Variants in ERC2 observed in about 807,000 individuals in gnomAD.
ERC2 encodes the protein ELKS/RAB6-interacting/CAST family member 2, also known as ERC protein 2.
Under a neutral mutation model 114.8 loss-of-function variants are expected in ERC2, and 42 were observed. The ratio of observed to expected loss-of-function variants is 0.37; its 90% CI spans 0.29 to 0.47. The LOEUF is 0.47. ERC2 is among the 20% of genes least tolerant of loss of function. ERC2 has a pLI of 0.99. For synonymous variants in ERC2, 454 were observed against 425.5 expected (o/e 1.07, Z -0.82); for missense variants, 939 against 1,150.7 (o/e 0.82, Z 2.66).
At chr3:55,639,314 A>G (rs185554975) in intron 17 of ERC2, among the ~76,000 whole-genome samples, 13 of 152,322 alleles carry the variant, frequency 8.5e-5, no homozygotes, top group Admixed American at 7.8e-4. Flanking sequence ...AGAGAGAACT[A>G]TCTCAAGGGT....
intron 7 of ERC2, among the ~76,000 whole-genome samples, chr3:56,073,344 C>T (rs1296622936): frequency 6.6e-6 from 1 of 152,156 alleles, no homozygotes; most frequent in Non-Finnish European, 1.5e-5. Context: ...CAGAGGTGTC[C>T]TCTGCATATT....
chr3:55,760,028 AC>A (rs781384592), intron 14 of ERC2, among the ~76,000 whole-genome samples: 1 of 152,030 alleles, frequency 6.6e-6, no homozygotes, highest in Non-Finnish European at 1.5e-5. Flanking sequence ...CGTGACATAA[AC>A]CCCCTACCAA....
chr3:55,894,723 G>A (rs566501224), intron 13 of ERC2, among the ~76,000 whole-genome samples: 73 of 152,322 alleles, frequency 4.8e-4, no homozygotes, highest in African/African-American at 1.7e-3. Flanking sequence ...GTACGTGGCA[G>A]CTGAACAATG....
chr3:56,404,962 G>A (rs1437958286), intron 2 of ERC2, among the ~76,000 whole-genome samples: 1 of 152,158 alleles, frequency 6.6e-6, no homozygotes, highest in Admixed American at 6.5e-5. Context: ...TTGATGGATG[G>A]ATAGGACTTC....
At chr3:55,714,354 A>G (rs1390504366) in intron 15 of ERC2, among the ~76,000 whole-genome samples, 2 of 152,142 alleles carry the variant, frequency 1.3e-5, no homozygotes, top group African/African-American at 2.4e-5. Flanking sequence ...ACAGGGATGA[A>G]TACAAAAGGG....
At chr3:55,850,638 T>C (rs1307055029) in intron 14 of ERC2, among the ~76,000 whole-genome samples, 1 of 152,094 alleles carries the variant, frequency 6.6e-6, no homozygotes, top group Non-Finnish European at 1.5e-5. Flanking sequence ...ACACTGTTAA[T>C]CTAAAATCCC....
chr3:55,680,259 C>A (rs2061993889), intron 17 of ERC2, among the ~76,000 whole-genome samples: 2 of 152,152 alleles, frequency 1.3e-5, no homozygotes, highest in African/African-American at 2.4e-5. Context: ...TAATTCCTTT[C>A]TAGTGGTTTA....
At chr3:56,345,484 G>A (rs1472934308) in intron 2 of ERC2, among the ~76,000 whole-genome samples, 1 of 152,190 alleles carries the variant, frequency 6.6e-6, no homozygotes, top group Non-Finnish European at 1.5e-5. Context: ...GAGGAAAATG[G>A]TTAGTTTATG....
intron 14 of ERC2, among the ~76,000 whole-genome samples, chr3:55,828,757 C>T (rs1277663871): frequency 6.6e-6 from 1 of 151,858 alleles, no homozygotes; most frequent in Non-Finnish European, 1.5e-5. Flanking sequence ...GTGGTAGGAA[C>T]CTAACCAGGT....
intron 17 of ERC2, among the ~76,000 whole-genome samples, chr3:55,634,950 C>T (rs1469778915): frequency 1.3e-5 from 2 of 151,124 alleles, no homozygotes; most frequent in Non-Finnish European, 2.9e-5. Context: ...GGCACGATCT[C>T]GGCTTACTGC....
chr3:56,018,274 A>G (rs765061289), intron 8 of ERC2, among the ~76,000 whole-genome samples: 2 of 152,204 alleles, frequency 1.3e-5, no homozygotes, highest in Non-Finnish European at 2.9e-5. Flanking sequence ...AGTAGAAAGT[A>G]TCAGACCTAG....
At chr3:56,054,553 GT>G (rs1299323498) in intron 7 of ERC2, among the ~76,000 whole-genome samples, 1 of 152,124 alleles carries the variant, frequency 6.6e-6, no homozygotes, top group African/African-American at 2.4e-5. Context: ...TGGGTACCTT[GT>G]CCCCCCTGCT....
chr3:56,191,252 A>C (rs987013447), intron 3 of ERC2, among the ~76,000 whole-genome samples: 10 of 152,132 alleles, frequency 6.6e-5, no homozygotes, highest in African/African-American at 2.4e-4. Flanking sequence ...CAGGGGGTCC[A>C]GGGAAAACAT....
At chr3:55,856,500 A>G (rs2061789612) in intron 14 of ERC2, among the ~76,000 whole-genome samples, 1 of 152,192 alleles carries the variant, frequency 6.6e-6, no homozygotes, top group Non-Finnish European at 1.5e-5. Flanking sequence ...ACAGACAATG[A>G]AAAAATAAAC....
intron 2 of ERC2, among the ~76,000 whole-genome samples, chr3:56,325,970 CTCT>C (rs2057343630): frequency 2.0e-5 from 3 of 152,210 alleles, no homozygotes. Context: ...ATCAGACACA[CTCT>C]GGTTGCATGC....
chr3:56,119,942 C>G (rs1216875482), intron 6 of ERC2, among the ~76,000 whole-genome samples: 1 of 152,058 alleles, frequency 6.6e-6, no homozygotes, highest in African/African-American at 2.4e-5. Context: ...AATAAAAGTA[C>G]CAAAGAAAAG....
intron 4 of ERC2, among the ~76,000 whole-genome samples, chr3:56,154,370 T>C (rs564146811): frequency 6.4e-4 from 97 of 152,276 alleles, no homozygotes; most frequent in African/African-American, 2.3e-3. Context: ...TGGCAAAATG[T>C]ACAAGCACAG....
intron 17 of ERC2, among the ~76,000 whole-genome samples, chr3:55,639,249 C>G (rs983318853): frequency 6.6e-6 from 1 of 152,180 alleles, no homozygotes; most frequent in African/African-American, 2.4e-5. Context: ...GAGAAGAGCA[C>G]TACCTTCATC....
chr3:55,797,354 G>C (rs772768230), intron 14 of ERC2, among the ~76,000 whole-genome samples: 3 of 152,208 alleles, frequency 2.0e-5, no homozygotes, highest in Non-Finnish European at 4.4e-5. Context: ...ACAACCGAGA[G>C]ACTCAGCCAG....
Sources: allele counts gnomAD v4.1 joint callset (sites outside exome capture counted in the v4.1 genomes callset), GRCh38; gene constraint gnomAD v4.1.1; transcripts MANE v1.5; gene names NCBI Gene and HGNC (gene_info 2026-07-23, HGNC 2026-07-21).